The following SLC35F3 variants were observed in gnomAD, a reference collection of about 807,000 sequenced individuals.
SLC35F3 encodes the protein putative thiamine transporter SLC35F3.
Under a neutral mutation model 49.9 loss-of-function variants are expected in SLC35F3, and 25 were observed. The ratio of observed to expected loss-of-function variants is 0.50; its 90% CI spans 0.37 to 0.70. SLC35F3 has a LOEUF of 0.70. SLC35F3 is among the 30% of genes least tolerant of loss of function. The probability of loss-of-function intolerance (pLI) is 0.00; values close to 1 mark genes in which losing one functional copy is unlikely to be tolerated. For missense variants in SLC35F3, 525 were observed against 639.8 expected, an observed-to-expected ratio of 0.82 and a Z score of 1.94; for synonymous variants, 275 against 265.4, an observed-to-expected ratio of 1.04 and a Z score of -0.35.
intron 2 of SLC35F3, among the ~76,000 whole-genome samples, chr1:234,181,338 G>GAAAAAAAAAAAAAAAAAAAAGAAAA (rs34757532): frequency 1.0e-5 from 1 of 97,310 alleles, no homozygotes; most frequent in Non-Finnish European, 2.1e-5. Flanking sequence ...TCTGTCTCAA[G>GAAAAAAAAAAAAAAAAAAAAGAAAA]AAAAAAAAAA....
At chr1:234,011,082 T>A (rs191765942) in intron 2 of SLC35F3, among the ~76,000 whole-genome samples, 1 of 152,166 alleles carries the variant, frequency 6.6e-6, no homozygotes, top group African/African-American at 2.4e-5. Context: ...ATCACCAAAC[T>A]TCTAAACAAA....
At chr1:234,076,838 G>A (rs1664798935) in intron 2 of SLC35F3, among the ~76,000 whole-genome samples, 1 of 152,116 alleles carries the variant, frequency 6.6e-6, no homozygotes, top group African/African-American at 2.4e-5. Context: ...CCACCCAAGG[G>A]GAGAGAGCCT....
intron 2 of SLC35F3, among the ~76,000 whole-genome samples, chr1:234,060,843 A>G (rs1388940182): frequency 6.6e-6 from 1 of 152,178 alleles, no homozygotes; most frequent in African/African-American, 2.4e-5. Flanking sequence ...AATCTGAAGT[A>G]ATCTCTTTAT....
chr1:234,265,949 C>T (rs573044363), intron 3 of SLC35F3, among the ~76,000 whole-genome samples: 5 of 152,320 alleles, frequency 3.3e-5, no homozygotes, highest in African/African-American at 1.2e-4. Flanking sequence ...AGGCCTCACC[C>T]TCTTACTCTG....
intron 2 of SLC35F3, among the ~76,000 whole-genome samples, chr1:233,987,908 C>A (rs191772469): frequency 6.6e-6 from 1 of 152,094 alleles, no homozygotes; most frequent in East Asian, 1.9e-4. Context: ...TTAATGAGTT[C>A]TTTTATATTG....
intron 3 of SLC35F3, among the ~76,000 whole-genome samples, chr1:234,239,908 G>C (rs1036417342): frequency 2.6e-5 from 4 of 152,184 alleles, no homozygotes; most frequent in Non-Finnish European, 4.4e-5. Context: ...CACTTCCAAA[G>C]GTCACTGTGG....
intron 2 of SLC35F3, among the ~76,000 whole-genome samples, chr1:234,227,508 C>T (rs1262851537): frequency 6.6e-6 from 1 of 150,560 alleles, no homozygotes; most frequent in Non-Finnish European, 1.5e-5. Flanking sequence ...ACGCCATTCT[C>T]CTGCCTCAGG....
chr1:234,121,656 T>G (rs954053278), intron 2 of SLC35F3, among the ~76,000 whole-genome samples: 1 of 152,142 alleles, frequency 6.6e-6, no homozygotes, highest in Non-Finnish European at 1.5e-5. Flanking sequence ...GTTGGTTTGC[T>G]GCACCCATTA....
At chr1:233,965,874 T>G (rs1157946912) in intron 2 of SLC35F3, among the ~76,000 whole-genome samples, 1 of 152,262 alleles carries the variant, frequency 6.6e-6, no homozygotes, top group Non-Finnish European at 1.5e-5. Flanking sequence ...CATAGCAAAC[T>G]AATACATTTA....
intron 2 of SLC35F3, among the ~76,000 whole-genome samples, chr1:233,961,579 C>T (rs1662804710): frequency 6.6e-6 from 1 of 151,936 alleles, no homozygotes; most frequent in African/African-American, 2.4e-5. Flanking sequence ...ACCTCAGCCA[C>T]CCAGGTAGCT....
chr1:234,254,963 A>G (rs1667795842), intron 3 of SLC35F3, among the ~76,000 whole-genome samples: 1 of 152,260 alleles, frequency 6.6e-6, no homozygotes, highest in African/African-American at 2.4e-5. Context: ...TTGTACAGAT[A>G]TGACCAAGGT....
intron 2 of SLC35F3, among the ~76,000 whole-genome samples, chr1:234,045,774 G>A (rs531717532): frequency 2.4e-4 from 37 of 151,666 alleles, no homozygotes; most frequent in African/African-American, 8.5e-4. Context: ...ATCCTCAGGG[G>A]GAATTACTAT....
At chr1:233,981,919 G>A (rs1663192210) in intron 2 of SLC35F3, among the ~76,000 whole-genome samples, 1 of 152,122 alleles carries the variant, frequency 6.6e-6, no homozygotes, top group South Asian at 2.1e-4. Flanking sequence ...AATAGCTAAT[G>A]ATGTTGAACG....
At chr1:233,964,968 ATGT>A (rs1418591701) in intron 2 of SLC35F3, among the ~76,000 whole-genome samples, 1 of 152,176 alleles carries the variant, frequency 6.6e-6, no homozygotes, top group Non-Finnish European at 1.5e-5. Context: ...CTTATAAGTG[ATGT>A]TTTTCCCAAT....
chr1:234,036,868 G>C (rs1664151297), intron 2 of SLC35F3, among the ~76,000 whole-genome samples: 1 of 152,096 alleles, frequency 6.6e-6, no homozygotes, highest in Non-Finnish European at 1.5e-5. Context: ...CCACTGCTGG[G>C]TCTAGGATTT....
intron 3 of SLC35F3, among the ~76,000 whole-genome samples, chr1:234,253,035 T>C (rs1203213550): frequency 6.6e-6 from 1 of 152,186 alleles, no homozygotes; most frequent in Non-Finnish European, 1.5e-5. Flanking sequence ...GGTAGAATGC[T>C]GTTCAGCTGG....
chr1:233,926,583 TC>T (rs1489452273), intron 2 of SLC35F3, among the ~76,000 whole-genome samples: 2 of 152,176 alleles, frequency 1.3e-5, no homozygotes, highest in African/African-American at 4.8e-5. Context: ...TCCTACATCC[TC>T]CTTTAGCTTG....
chr1:234,148,202 G>C (rs370041186), intron 2 of SLC35F3, among the ~76,000 whole-genome samples: 3 of 152,208 alleles, frequency 2.0e-5, no homozygotes, highest in Non-Finnish European at 2.9e-5. Flanking sequence ...GACATGAAGC[G>C]AAAAGGCAAG....
At chr1:234,042,925 T>C (rs990597669) in intron 2 of SLC35F3, among the ~76,000 whole-genome samples, 1 of 152,242 alleles carries the variant, frequency 6.6e-6, no homozygotes, top group Non-Finnish European at 1.5e-5. Flanking sequence ...TGAAAACTTC[T>C]TAACTGTTTT....
Sources: gnomAD v4.1 joint callset for allele counts (sites outside exome capture counted in the v4.1 genomes callset) on GRCh38, gnomAD v4.1.1 for gene constraint, MANE v1.5 for transcripts, NCBI Gene and HGNC (gene_info 2026-07-23, HGNC 2026-07-21) for gene names.